The following NCF2 variants were observed in gnomAD, a reference collection of about 807,000 sequenced individuals.
NCF2 encodes the protein neutrophil cytosolic factor 2.
Under a neutral mutation model 70.9 loss-of-function variants are expected in NCF2, and 45 were observed. The ratio of observed to expected loss-of-function variants is 0.63; its 90% confidence interval spans 0.50 to 0.81. The LOEUF is 0.81. Ranked by LOEUF, NCF2 falls within the 40% of genes least tolerant of loss-of-function variation. The pLI, the probability that NCF2 is intolerant of heterozygous loss-of-function variation, is 0.00. For missense variants in NCF2, 522 were observed against 631.6 expected, an observed-to-expected ratio of 0.83 and a Z score of 1.86; for synonymous variants, 203 against 233.6, an observed-to-expected ratio of 0.87 and a Z score of 1.19.
chr1:183,581,260 C>T (rs1416627143), intron 2 of NCF2, among the ~76,000 whole-genome samples: 15 of 112,602 alleles, frequency 1.3e-4, no homozygotes, highest in African/African-American at 4.6e-4. Context: ...CCAGCCTGGA[C>T]GACAGAATGA....
Position 183,578,576 on chromosome 1 carries a change from G to A in NCF2, c.258-869C>T, listed in dbSNP as rs111335841. 1.3e-3 allele frequency among the ~76,000 whole-genome samples: 197 copies of A among 152,274 alleles called. 1 individual carries two copies. Among genetic ancestry groups the A allele is most frequent in the African/African-American group, 4.4e-3 (184 of 41,550 alleles). On this transcript the variant is annotated intron_variant, in intron 2 of 14. Transcript: ENST00000367535. ...AGACCAGGTTTCACCATGTTGGCCA[G>A]GCTGGTCTCAAACTCCTGACCTCGA...
At chr1:183,582,232 C>T (rs914726371) in intron 2 of NCF2, among the ~76,000 whole-genome samples, 49 of 152,354 alleles carry the variant, frequency 3.2e-4, no homozygotes, top group African/African-American at 1.2e-3. Flanking sequence ...CCTTCTTCAG[C>T]GGTTCTCTTC....
In NCF2 at chr1:183,563,201, G is replaced by C. The variant is rs745334269; in HGVS notation, c.1284C>G (p.Asn428Lys). ...KNYCLTLWCE[N>K]TVGDQGFPDE... ...TGCCCCTCATTGCACTCACCACTGT[G>C]TTCTCACACCACAGAGTCAGGCAGT... Residue 428 changes from asparagine (N) to lysine (K), a missense_variant, in exon 13 of 15, where the codon AAC becomes AAG. Transcript: ENST00000367535. The C allele has an allele frequency of 6.2e-6, 10 of 1,614,080 alleles. No individual in the cohort carries two copies. The highest frequency in any genetic ancestry group is 7.6e-6 in the Non-Finnish European group (9 of 1,179,946).
intron 2 of NCF2, among the ~76,000 whole-genome samples, chr1:183,582,786 A>G (rs1339639732): frequency 6.6e-6 from 1 of 152,192 alleles, no homozygotes; most frequent in African/African-American, 2.4e-5. Context: ...TTCATAAGGC[A>G]CAGGATCTGA....
At chr1:183,570,214 A>G (rs571272131) in intron 6 of NCF2, among the ~76,000 whole-genome samples, 1 of 152,348 alleles carries the variant, frequency 6.6e-6, no homozygotes, top group East Asian at 1.9e-4. Flanking sequence ...TTCCTTCACA[A>G]GGAAGCTCTG....
chr1:183,567,208 C>G lies in NCF2; in HGVS notation c.851G>C (p.Gly284Ala). Reference sequence around the variant, plus strand: ...AGCCCCTGATCCTCTGCATACCTGCCCGTTGAACATGACCGTGGCCCAGTT... The same window carrying G: ...AGCCCCTGATCCTCTGCATACCTGCGCGTTGAACATGACCGTGGCCCAGTT... The part of the protein sequence containing the change: ...NDNWATVMFN[G>A]QKGLVPCNYL... Residue 284 changes from glycine (G) to alanine (A), a missense_variant, in exon 8 of 15, where the codon GGG (glycine) becomes GCG (alanine). Coordinates refer to ENST00000367535, the MANE Select transcript of NCF2 (RefSeq NM_000433.4). 6.2e-7 allele frequency: 1 copy of G among 1,614,140 alleles called. No individual in the cohort carries two copies. The highest frequency in any genetic ancestry group is 8.5e-7 in the Non-Finnish European group (1 of 1,180,036).
chr1:183,590,079 T>TG (rs1441948565), intron 1 of NCF2, 77 bp downstream of exon 1: 1 of 1,599,844 alleles, frequency 6.3e-7, no homozygotes, highest in Non-Finnish European at 8.6e-7. Flanking sequence ...AGAGGTTAGG[T>TG]TTCCGAAATG....
In NCF2 at chr1:183,569,194, C is replaced by T. The variant is rs746618335; in HGVS notation, c.670-9G>A. ...GGTGGAGGCTCAGCTGCCTATTGAA[C>T]ATTCAGGAGAAGTGAAAACGGAAAA... On this transcript the variant is annotated splice_polypyrimidine_tract_variant and intron_variant, in intron 6 of 14. Coordinates refer to ENST00000367535, the MANE Select transcript of NCF2 (RefSeq NM_000433.4). 8 of 1,613,854 alleles carry T rather than the reference C, an allele frequency of 5.0e-6. No homozygotes were observed. In the African/African-American group the frequency reaches 9.3e-5, roughly 19 times the overall value.
chr1:183,563,701 GC>G, intron 11 of NCF2, 116 bp from the exon 12 acceptor site: 1 of 1,304,536 alleles, frequency 7.7e-7, no homozygotes, highest in Non-Finnish European at 1.1e-6. Context: ...CAGGGGAGAG[GC>G]CAGTAAGTAA....
chr1:183,595,711 T>C (rs1023443026), upstream of NCF2, among the ~76,000 whole-genome samples: 2 of 152,212 alleles, frequency 1.3e-5, no homozygotes, highest in Admixed American at 1.3e-4. Context: ...CTCTTACCTC[T>C]AGACCTTCTC....
chr1:183,563,801 C>T (rs1386808140), intron 11 of NCF2: 1 of 813,958 alleles, frequency 1.2e-6, no homozygotes, highest in East Asian at 2.4e-5. Flanking sequence ...AGATCTGGCC[C>T]ACTAGCTTGG....
chr1:183,580,505 G>A (rs552467709), intron 2 of NCF2, among the ~76,000 whole-genome samples: 22 of 152,256 alleles, frequency 1.4e-4, no homozygotes, highest in South Asian at 2.1e-4. Flanking sequence ...TTGGGAGCTC[G>A]CTGAAGGTCT....
chr1:183,577,789 TC>T, intron 2 of NCF2, 82 bp from the exon 3 acceptor site: 1 of 1,007,284 alleles, frequency 9.9e-7, no homozygotes. Flanking sequence ...GCTTCTCCCT[TC>T]CCCATCTATT....
intron 7 of NCF2, 36 bp from the exon 8 acceptor site, chr1:183,567,381 C>T (rs1328098747): frequency 3.7e-6 from 6 of 1,612,742 alleles, no homozygotes; most frequent in South Asian, 2.2e-5. Context: ...GCCCCCATCC[C>T]CTCACATGAT....
chr1:183,560,258 G>C lies in NCF2; in HGVS notation c.1306C>G (p.Pro436Ala). The C allele has an allele frequency of 6.2e-7, 1 of 1,614,136 alleles. No homozygotes were observed. Among genetic ancestry groups the C allele is most frequent in the Non-Finnish European group, 8.5e-7 (1 of 1,180,028 alleles). The change falls in exon 14 of 15, where the codon CCA becomes GCA. Residue 436 changes from proline to alanine, a missense_variant. Coordinates refer to ENST00000367535, the MANE Select transcript of NCF2 (RefSeq NM_000433.4). ...TTTTCACTTTCCTTGGGTTCATCTGGAAAGCCTTGGTCACCCTGAAATAAT... is the reference window on the plus strand; with the variant it reads ...TTTTCACTTTCCTTGGGTTCATCTGCAAAGCCTTGGTCACCCTGAAATAAT... ...CENTVGDQGF[P>A]DEPKESEKAD...
rs138860204 is a variant in NCF2 at position 183,565,725 on chromosome 1, C to T, written c.979G>A (p.Gly327Arg). 44 of 1,612,562 alleles carry T rather than the reference C, an allele frequency of 2.7e-5. No individual in the cohort carries two copies. Among genetic ancestry groups the T allele is most frequent in the Non-Finnish European group, 3.5e-5 (41 of 1,180,026 alleles). ...IPAPPSSKAP[G>R]RPQLSPGQKQ... ...TCACCTGGTGACAGCTGGGGTCTTC[C>T]AGGGGCTTTGGAACTAGGAGGAGCT... is the stretch of plus-strand genomic sequence containing the variant. Residue 327 changes from glycine (G) to arginine (R), a missense_variant, in exon 10 of 15, where the codon GGA becomes AGA. Physicochemically the swap from Gly to Arg is moderately radical, Grantham distance 125 (BLOSUM62 -2). Coordinates refer to ENST00000367535, the MANE Select transcript of NCF2 (RefSeq NM_000433.4).
chr1:183,556,025 A>G lies in NCF2; in HGVS notation c.*93T>C. On this transcript the variant is annotated 3_prime_UTR_variant, in exon 15 of 15. Transcript: ENST00000367535. Reference sequence around the variant, plus strand: ...AAATAGTTAACACTTCCAAACTGTAATGTCTCAGTACAGTATACAGCAGAA... The same window carrying G: ...AAATAGTTAACACTTCCAAACTGTAGTGTCTCAGTACAGTATACAGCAGAA... 3 of 1,021,720 alleles carry G rather than the reference A, an allele frequency of 2.9e-6. No homozygotes were observed. Among genetic ancestry groups the G allele is most frequent in the South Asian group, 1.3e-5 (1 of 77,274 alleles). The allele number at this position is 1,021,720 out of a possible 1,614,324, so 63.3% of individuals were successfully genotyped here. A position where few individuals can be genotyped will look rare whatever the true frequency, so the allele number is the denominator to read the frequency against.
At chr1:183,601,307 G>T in the NCF2 span, among the ~76,000 whole-genome samples, 1 of 152,106 alleles carries the variant, frequency 6.6e-6, no homozygotes, top group Non-Finnish European at 1.5e-5. Context: ...GTAATTTTCT[G>T]TCGTATAATG....
rs1170340545 is a variant in NCF2 at position 183,555,669 on chromosome 1, T to A, written c.*449A>T. The A allele has an allele frequency of 5.3e-6, 1 of 189,098 alleles. No homozygotes were observed. The highest frequency in any genetic ancestry group is 1.1e-5 in the Non-Finnish European group (1 of 89,200). The allele number at this position is 189,098 out of a possible 1,614,324, so 11.7% of individuals were successfully genotyped here. ...CAGTAATGGTTCAGAAACAGGAATA[T>A]TTGTACTTACTCCTTGGGCCTGGAC... On this transcript the variant is annotated 3_prime_UTR_variant, in exon 15 of 15. Coordinates refer to ENST00000367535, the MANE Select transcript of NCF2 (RefSeq NM_000433.4).
Sources: gnomAD v4.1 joint callset for allele counts (sites outside exome capture counted in the v4.1 genomes callset) on GRCh38, gnomAD v4.1.1 for gene constraint, MANE v1.5 for transcripts, NCBI Gene and HGNC (gene_info 2026-07-23, HGNC 2026-07-21) for gene names.